The following ATF7IP2 variants were observed in gnomAD, a reference collection of about 807,000 sequenced individuals.
The protein encoded by ATF7IP2 is activating transcription factor 7-interacting protein 2.
In ATF7IP2, 42 loss-of-function variants were observed where a neutral mutation model predicts 64.2. The ratio of observed to expected loss-of-function variants is 0.65; its 90% CI spans 0.51 to 0.85. The LOEUF is 0.85. Ranked by LOEUF, ATF7IP2 falls within the 40% of genes least tolerant of loss-of-function variation. The pLI is 0.00. For missense variants in ATF7IP2, 933 were observed against 784.2 expected, an observed-to-expected ratio of 1.19 and a Z score of -2.27; for synonymous variants, 308 against 272.8, an observed-to-expected ratio of 1.13 and a Z score of -1.27.
intron 9 of ATF7IP2, among the ~76,000 whole-genome samples, chr16:10,470,608 AC>A (rs759646193): frequency 2.4e-4 from 36 of 151,980 alleles, no homozygotes; most frequent in African/African-American, 6.5e-4. Flanking sequence ...ACATAAAAAA[AC>A]ATTTTTAAAA....
At chr16:10,457,043 G>A (rs969967401) in intron 8 of ATF7IP2, among the ~76,000 whole-genome samples, 2 of 152,072 alleles carry the variant, frequency 1.3e-5, no homozygotes, top group Non-Finnish European at 2.9e-5. Flanking sequence ...TATAACAAAA[G>A]TAAAATTTTC....
At chr16:10,408,599 C>A (rs1037260283) in intron 1 of ATF7IP2, among the ~76,000 whole-genome samples, 2 of 152,154 alleles carry the variant, frequency 1.3e-5, no homozygotes, top group Non-Finnish European at 2.9e-5. Context: ...TGGTGATGAG[C>A]ATTTTTTCAT....
intron 6 of ATF7IP2, among the ~76,000 whole-genome samples, chr16:10,435,349 T>A (rs181712327): frequency 1.6e-4 from 25 of 152,196 alleles, no homozygotes; most frequent in Non-Finnish European, 2.8e-4. Flanking sequence ...AGTCTTAAGT[T>A]ATTCACTCTA....
intron 1 of ATF7IP2, among the ~76,000 whole-genome samples, chr16:10,395,206 TG>T (rs1378417093): frequency 2.6e-5 from 4 of 151,838 alleles, no homozygotes; most frequent in African/African-American, 9.7e-5. Context: ...TCCAATTGTA[TG>T]GTACTCCATT....
chr16:10,435,443 C>CT (rs1302551213), intron 6 of ATF7IP2, among the ~76,000 whole-genome samples: 2 of 152,214 alleles, frequency 1.3e-5, no homozygotes, highest in East Asian at 3.8e-4. Context: ...GCCATCTCCA[C>CT]TTTGAAGCCA....
At chr16:10,436,566 G>C (rs1397293773) in intron 6 of ATF7IP2, among the ~76,000 whole-genome samples, 1 of 151,330 alleles carries the variant, frequency 6.6e-6, no homozygotes, top group East Asian at 1.9e-4. Flanking sequence ...TTGGAAACAG[G>C]AAGGAAGAGC....
At position 10,472,904 on chromosome 16, in the gene ATF7IP2, TTCTC is replaced by T. The variant is rs542986862; in HGVS notation, c.1427-568_1427-565del. Among the ~76,000 whole-genome samples the T allele has an allele frequency of 2.8e-3, 419 of 152,234 alleles. 4 individuals are homozygous for T. Among genetic ancestry groups the T allele is most frequent in the African/African-American group, 9.6e-3 (398 of 41,538 alleles). On this transcript the variant is annotated intron_variant, in intron 10 of 13. Coordinates refer to ENST00000562102, the MANE Select transcript of ATF7IP2 (RefSeq NM_001393719.1). ...AACCTTACATTTCCAATGATAACTT[TTCTC>T]TCTCTCAAAAATACCCATCTTGTTT...
intron 1 of ATF7IP2, among the ~76,000 whole-genome samples, chr16:10,398,314 A>AC (rs569698353): frequency 6.6e-6 from 1 of 151,044 alleles, no homozygotes; most frequent in African/African-American, 2.4e-5. Flanking sequence ...AAAAAAAAAA[A>AC]AATAATAATA....
intron 5 of ATF7IP2, among the ~76,000 whole-genome samples, chr16:10,433,321 A>G (rs537087084): frequency 1.2e-4 from 19 of 152,182 alleles, no homozygotes; most frequent in African/African-American, 4.6e-4. Flanking sequence ...GACTACGGGC[A>G]TGCCCCACCA....
chr16:10,402,997 C>T (rs915838363), intron 1 of ATF7IP2, among the ~76,000 whole-genome samples: 2 of 151,912 alleles, frequency 1.3e-5, no homozygotes, highest in African/African-American at 4.8e-5. Context: ...AATGTATACT[C>T]TGTTCTATGA....
chr16:10,433,163 G>C (rs1162149603), intron 5 of ATF7IP2, among the ~76,000 whole-genome samples: 1 of 152,042 alleles, frequency 6.6e-6, no homozygotes, highest in East Asian at 1.9e-4. Flanking sequence ...CTCTAAATTA[G>C]AGAATTCCTA....
intron 12 of ATF7IP2, among the ~76,000 whole-genome samples, chr16:10,475,561 C>T (rs1320108033): frequency 4.0e-5 from 6 of 151,446 alleles, no homozygotes; most frequent in East Asian, 1.9e-4. Context: ...GGTGTGGTGG[C>T]GGGCACCTGT....
At chr16:10,417,422 G>A (rs2047900910) in intron 2 of ATF7IP2, among the ~76,000 whole-genome samples, 1 of 152,122 alleles carries the variant, frequency 6.6e-6, no homozygotes, top group Admixed American at 6.5e-5. Context: ...AATTGAGCAG[G>A]AGCAGCTAGA....
At chr16:10,392,817 T>A (rs1195762605) in intron 1 of ATF7IP2, among the ~76,000 whole-genome samples, 2 of 149,474 alleles carry the variant, frequency 1.3e-5, no homozygotes, top group East Asian at 4.0e-4. Flanking sequence ...AGTGAGACTC[T>A]GTCTTTAAAA....
At chr16:10,470,378 C>T (rs1471882578) in intron 9 of ATF7IP2, among the ~76,000 whole-genome samples, 1 of 152,012 alleles carries the variant, frequency 6.6e-6, no homozygotes, top group African/African-American at 2.4e-5. Context: ...TTAAAGGAGA[C>T]CTAAATAAGT....
At chr16:10,428,136 T>C (rs2048127634) in intron 3 of ATF7IP2, among the ~76,000 whole-genome samples, 1 of 152,190 alleles carries the variant, frequency 6.6e-6, no homozygotes, top group African/African-American at 2.4e-5. Context: ...AAGTTTAGGA[T>C]ACATCATCAG....
At chr16:10,404,293 C>T (rs907691032) in intron 1 of ATF7IP2, among the ~76,000 whole-genome samples, 1 of 152,178 alleles carries the variant, frequency 6.6e-6, no homozygotes, top group African/African-American at 2.4e-5. Context: ...CACTCTGTCA[C>T]CCAGGCTGGA....
intron 1 of ATF7IP2, among the ~76,000 whole-genome samples, chr16:10,394,493 A>G (rs1426092646): frequency 1.1e-4 from 16 of 152,200 alleles, no homozygotes; most frequent in Admixed American, 1.0e-3. Context: ...TCAGTGAGAC[A>G]AGAGACGACT....
At chr16:10,479,645 G>A (rs2050143064) in intron 12 of ATF7IP2, among the ~76,000 whole-genome samples, 1 of 151,038 alleles carries the variant, frequency 6.6e-6, no homozygotes, top group African/African-American at 2.4e-5. Context: ...AAAACTTAAA[G>A]TATAATAATA....
Sources: allele counts gnomAD v4.1 joint callset (sites outside exome capture counted in the v4.1 genomes callset), GRCh38; gene constraint gnomAD v4.1.1; transcripts MANE v1.5; gene names NCBI Gene and HGNC (gene_info 2026-07-23, HGNC 2026-07-21).